Variants in SEL1L3 observed in about 807,000 individuals in gnomAD.
SEL1L3 encodes SEL1L family member 3.
In SEL1L3, 76 loss-of-function variants were observed where a neutral mutation model predicts 142.8. The observed-to-expected ratio is 0.53, with a 90% CI of 0.44 to 0.64. The LOEUF is 0.64. SEL1L3 is among the 30% of genes least tolerant of loss of function. The pLI, the probability that SEL1L3 is intolerant of heterozygous loss-of-function variation, is 0.00. For missense variants in SEL1L3, 1,262 were observed against 1,381.7 expected, an observed-to-expected ratio of 0.91 and a Z score of 1.37; for synonymous variants, 504 against 519.6, an observed-to-expected ratio of 0.97 and a Z score of 0.41.
chr4:25,842,246 A>T (rs115248224), intron 2 of SEL1L3, among the ~76,000 whole-genome samples: 1,721 of 136,882 alleles, frequency 0.013, 41 homozygotes, highest in African/African-American at 0.048. Context: ...TGTGGAAATT[A>T]AAAAAAAAAA....
chr4:25,812,129 C>T (rs1216970135), intron 9 of SEL1L3, among the ~76,000 whole-genome samples: 1 of 152,184 alleles, frequency 6.6e-6, no homozygotes, highest in Non-Finnish European at 1.5e-5. Flanking sequence ...TGTTAGCTGC[C>T]TATGCCATAT....
At chr4:25,842,447 A>G (rs936014207) in intron 2 of SEL1L3, among the ~76,000 whole-genome samples, 7 of 152,182 alleles carry the variant, frequency 4.6e-5, no homozygotes, top group African/African-American at 1.2e-4. Context: ...GCAAAGACAT[A>G]GGGGTGGGGA....
chr4:25,821,928 TGGCACACC>T (rs1560331713), intron 7 of SEL1L3, 60 bp downstream of exon 7: 1 of 1,517,470 alleles, frequency 6.6e-7, no homozygotes, highest in African/African-American at 1.4e-5. Flanking sequence ...TTACACTGGG[TGGCACACC>T]CCTGAGGCCC....
At chr4:25,786,855 A>G (rs531311312) in intron 13 of SEL1L3, among the ~76,000 whole-genome samples, 2 of 152,342 alleles carry the variant, frequency 1.3e-5, no homozygotes, top group East Asian at 3.9e-4. Flanking sequence ...ACAACAACCA[A>G]TAGGTTTTCA....
intron 3 of SEL1L3, 71 bp from the exon 4 acceptor site, chr4:25,833,640 T>TGG: frequency 1.5e-6 from 2 of 1,364,198 alleles, no homozygotes; most frequent in East Asian, 5.1e-5. Context: ...TGGTTAACAA[T>TGG]GACCAAGTAA....
At chr4:25,858,622 T>C (rs1199365080) in intron 1 of SEL1L3, among the ~76,000 whole-genome samples, 1 of 152,160 alleles carries the variant, frequency 6.6e-6, no homozygotes, top group African/African-American at 2.4e-5. Context: ...AGTCTCACTC[T>C]GTCGCCAGGC....
At chr4:25,838,016 C>G (rs1715945572) in intron 2 of SEL1L3, among the ~76,000 whole-genome samples, 1 of 152,174 alleles carries the variant, frequency 6.6e-6, no homozygotes, top group Admixed American at 6.5e-5. Context: ...ATTCACTATT[C>G]CATCCCCAGA....
At chr4:25,842,995 T>C (rs923605980) in intron 2 of SEL1L3, among the ~76,000 whole-genome samples, 1 of 152,076 alleles carries the variant, frequency 6.6e-6, no homozygotes, top group South Asian at 2.1e-4. Context: ...GAAGTGGCCA[T>C]GTGGTGATCT....
intron 11 of SEL1L3, among the ~76,000 whole-genome samples, chr4:25,798,009 G>C (rs1157274969): frequency 6.6e-6 from 1 of 152,144 alleles, no homozygotes; most frequent in Non-Finnish European, 1.5e-5. Context: ...AAGTGGGAGG[G>C]GCATGGAGAA....
chr4:25,782,321 ATT>A lies in SEL1L3; in HGVS notation c.2376_2377del (p.Glu792AspfsTer32). ...ATTGTATGACGCATCTGGGTTCCCC[ATT>A]TCTTCTGCTTTTAACCAGTACTTTG... On this transcript the variant is annotated frameshift_variant, in exon 15 of 24. Transcript: ENST00000399878. LOFTEE classifies it high-confidence loss of function. 1 of 1,613,876 alleles carries A rather than the reference ATT, an allele frequency of 6.2e-7. No homozygotes were observed. The highest frequency in any genetic ancestry group is 8.5e-7 in the Non-Finnish European group (1 of 1,179,812).
At chr4:25,782,212 G>A (rs762424087) in intron 15 of SEL1L3, 30 bp downstream of exon 15, 2 of 1,598,466 alleles carry the variant, frequency 1.3e-6, no homozygotes, top group Non-Finnish European at 1.7e-6. Context: ...TGACTGACTA[G>A]TTGCAGAGTG....
intron 9 of SEL1L3, among the ~76,000 whole-genome samples, chr4:25,806,446 G>T (rs1271376734): frequency 1.3e-5 from 2 of 152,086 alleles, no homozygotes; most frequent in East Asian, 3.9e-4. Context: ...GCTGGGGATG[G>T]GTTTATTTAA....
intron 9 of SEL1L3, among the ~76,000 whole-genome samples, chr4:25,806,313 A>G (rs1331790469): frequency 6.6e-6 from 1 of 151,632 alleles, no homozygotes; most frequent in Non-Finnish European, 1.5e-5. Context: ...CTGGGATTAC[A>G]GGCTTGAGCC....
intron 23 of SEL1L3, chr4:25,756,863 G>C: frequency 7.8e-7 from 1 of 1,282,672 alleles, no homozygotes; most frequent in Non-Finnish European, 1.0e-6. Flanking sequence ...ACTTCATGCT[G>C]CCAGGAGCTT....
At chr4:25,810,231 C>A (rs1713925954) in intron 9 of SEL1L3, among the ~76,000 whole-genome samples, 1 of 152,204 alleles carries the variant, frequency 6.6e-6, no homozygotes. Flanking sequence ...ATAGGCCTGG[C>A]CTTAGGGCAG....
chr4:25,763,998 T>A (rs530655109), intron 20 of SEL1L3, among the ~76,000 whole-genome samples: 14 of 152,344 alleles, frequency 9.2e-5, no homozygotes, highest in African/African-American at 3.4e-4. Flanking sequence ...TGAAAATGAT[T>A]CTGAGGTTCT....
rs75022694 is a variant in SEL1L3 at position 25,784,425 on chromosome 4, T to G, written c.2218-135A>C. 6.8e-3 allele frequency: 4,895 copies of G among 716,292 alleles called. 148 individuals are homozygous for G. In the African/African-American group the frequency reaches 0.075, roughly 11 times the overall value. 44.4% of individuals were successfully genotyped at this position (716,292 alleles called of 1,614,324 possible). On this transcript the variant is annotated intron_variant, in intron 13 of 23. Transcript: ENST00000399878. Reference sequence around the variant, plus strand: ...TTCATTTAAACCCAAGCTTAGGGATTTCTATAGGTAGTGCTATTTCATTAT... The same window carrying G: ...TTCATTTAAACCCAAGCTTAGGGATGTCTATAGGTAGTGCTATTTCATTAT...
Position 25,776,664 on chromosome 4 carries a change from AT to A in SEL1L3, c.2586-305del, listed in dbSNP as rs1211932416. The A allele has an allele frequency of 1.3e-5, 3 of 237,720 alleles. No homozygotes were observed. The East Asian group carries it at 2.9e-4, about 23-fold the overall frequency. 14.7% of individuals were successfully genotyped at this position (237,720 alleles called of 1,614,324 possible). On this transcript the variant is annotated intron_variant, in intron 16 of 23. Coordinates refer to ENST00000399878, the MANE Select transcript of SEL1L3 (RefSeq NM_015187.5). The stretch of plus-strand genomic sequence containing the variant: ...TCTCTACCAAGAGTTCTAGTACTCT[AT>A]TAAGTCATGTTTACTGACTTATTAT...
chr4:25,804,446 G>T (rs1285657149), intron 10 of SEL1L3, 95 bp downstream of exon 10: 4 of 882,076 alleles, frequency 4.5e-6, no homozygotes, highest in Non-Finnish European at 7.3e-6. Context: ...TCTCCAAGGA[G>T]CTGCAACATG....
Sources: gnomAD v4.1 joint callset for allele counts (sites outside exome capture counted in the v4.1 genomes callset) on GRCh38, gnomAD v4.1.1 for gene constraint, MANE v1.5 for transcripts, NCBI Gene and HGNC (gene_info 2026-07-23, HGNC 2026-07-21) for gene names.